The following GALM variants were observed in gnomAD, a reference collection of about 807,000 sequenced individuals.
The protein encoded by GALM is aldose 1-epimerase.
A neutral mutation model predicts 37.4 loss-of-function variants in GALM; 43 were observed. That is an observed-to-expected ratio of 1.15 (90% CI 0.90 to 1.48). The LOEUF (loss-of-function observed/expected upper bound fraction) is 1.48, where lower values mean the gene tolerates loss of function less well. Ranked by LOEUF, GALM falls within the 40% of genes most tolerant of loss-of-function variation. The probability of loss-of-function intolerance (pLI) is 0.00; values close to 1 mark genes in which losing one functional copy is unlikely to be tolerated. For synonymous variants in GALM, 199 were observed against 170.6 expected (o/e 1.17, Z -1.30); for missense variants, 456 against 419.1 (o/e 1.09, Z -0.77).
chr2:38,707,773 G>A (rs1370104017), intron 4 of GALM, among the ~76,000 whole-genome samples: 1 of 152,042 alleles, frequency 6.6e-6, no homozygotes, highest in African/African-American at 2.4e-5. Flanking sequence ...TTGAGGCCAG[G>A]AGTTCAGGAC....
At chr2:38,689,071 C>T (rs1057084367) in intron 3 of GALM, among the ~76,000 whole-genome samples, 4 of 152,222 alleles carry the variant, frequency 2.6e-5, no homozygotes, top group Admixed American at 6.5e-5. Flanking sequence ...CCGCCTGCCT[C>T]GGCCTCCCAA....
chr2:38,687,412 G>T (rs1665563807), intron 3 of GALM, among the ~76,000 whole-genome samples: 1 of 152,144 alleles, frequency 6.6e-6, no homozygotes, highest in Non-Finnish European at 1.5e-5. Flanking sequence ...GAAAACAAGA[G>T]CATCATAGTT....
At chr2:38,725,561 C>T (rs1278743862) in intron 4 of GALM, among the ~76,000 whole-genome samples, 2 of 150,252 alleles carry the variant, frequency 1.3e-5, no homozygotes, top group Non-Finnish European at 3.0e-5. Flanking sequence ...CACACACACA[C>T]ACACGTATAT....
intron 4 of GALM, among the ~76,000 whole-genome samples, chr2:38,715,744 TTTC>T (rs1278136822): frequency 3.9e-5 from 6 of 152,190 alleles, no homozygotes; most frequent in Admixed American, 3.9e-4. Flanking sequence ...GCAATCGAGT[TTTC>T]CTAACTCCAG....
Position 38,734,174 on chromosome 2 carries a change from G to A in GALM, c.*609G>A, listed in dbSNP as rs536120608. 4.1e-4 allele frequency: 64 copies of A among 156,870 alleles called. No individual in the cohort carries two copies. Among genetic ancestry groups the A allele is most frequent in the African/African-American group, 1.2e-3 (48 of 41,562 alleles). 9.7% of individuals were successfully genotyped at this position (156,870 alleles called of 1,614,324 possible). A position where few individuals can be genotyped will look rare whatever the true frequency, so the allele number is the denominator to read the frequency against. On this transcript the variant is annotated 3_prime_UTR_variant, in exon 7 of 7. Transcript: ENST00000272252. ...AGCACTTTGGAAGGCCGAGGCAGGC[G>A]GATCACGAGGTCAGGAGATCGAGAC...
At position 38,729,548 on chromosome 2, in the gene GALM, C is replaced by G. The variant is rs544238291; in HGVS notation, c.635-8C>G. The stretch of plus-strand genomic sequence containing the variant: ...TTATCACCTTTGTTTTCTGTCTCTT[C>G]CCATCAGGAGAAGTTGCCCCAGTGC... On this transcript the variant is annotated splice_region_variant and splice_polypyrimidine_tract_variant and intron_variant, in intron 4 of 6. Coordinates refer to ENST00000272252, the MANE Select transcript of GALM (RefSeq NM_138801.3). 1 of 1,611,908 alleles carries G rather than the reference C, an allele frequency of 6.2e-7. No individual in the cohort carries two copies. Among genetic ancestry groups the G allele is most frequent in the Admixed American group, 1.7e-5 (1 of 59,772 alleles).
At chr2:38,707,401 T>C (rs183479334) in intron 4 of GALM, among the ~76,000 whole-genome samples, 18 of 151,874 alleles carry the variant, frequency 1.2e-4, no homozygotes, top group Admixed American at 5.9e-4. Context: ...CCAAAAAGGG[T>C]CTACCTTAAA....
rs747370210 is a variant in GALM at position 38,731,940 on chromosome 2, A to G, written c.951+31A>G. The G allele has an allele frequency of 1.4e-5, 23 of 1,589,010 alleles. No individual in the cohort carries two copies. The African/African-American group carries it at 2.6e-4, about 18-fold the overall frequency. On this transcript the variant is annotated intron_variant, in intron 6 of 6. Transcript: ENST00000272252. ...GCCACAGGCTGGCTTTTCAGAGTAG[A>G]GTTGTGTCCAAGGTCACACTGTACG...
chr2:38,722,030 TCCCCCCCCCACCC>T (rs1666387057), intron 4 of GALM, among the ~76,000 whole-genome samples: 1 of 41,382 alleles, frequency 2.4e-5, no homozygotes, highest in Non-Finnish European at 4.1e-5. Flanking sequence ...TGCCTTCCCT[TCCCCCCCCCACCC>T]CCCCCCCCCA....
At chr2:38,680,900 C>T (rs889057811) in intron 2 of GALM, among the ~76,000 whole-genome samples, 2 of 152,008 alleles carry the variant, frequency 1.3e-5, no homozygotes, top group African/African-American at 4.8e-5. Context: ...CCTTGGGAGG[C>T]CGAGGCAGGT....
At chr2:38,676,211 A>C (rs1665257716) in intron 2 of GALM, 145 bp downstream of exon 2, 1 of 737,512 alleles carries the variant, frequency 1.4e-6, no homozygotes, top group Non-Finnish European at 2.3e-6. Flanking sequence ...CAGCAGGTGC[A>C]ATGGGCATGT....
intron 1 of GALM, 40 bp downstream of exon 1, chr2:38,666,391 GC>G: frequency 1.3e-6 from 2 of 1,485,764 alleles, no homozygotes; most frequent in Non-Finnish European, 1.8e-6. Flanking sequence ...CAGGCCCCAG[GC>G]CCACGCTACA....
chr2:38,717,573 T>A (rs1424223232), intron 4 of GALM, among the ~76,000 whole-genome samples: 1 of 151,904 alleles, frequency 6.6e-6, no homozygotes, highest in Non-Finnish European at 1.5e-5. Context: ...TAATTTTTTG[T>A]ATTTTTAGCA....
At chr2:38,685,341 G>A (rs532821601) in intron 3 of GALM, among the ~76,000 whole-genome samples, 1 of 152,246 alleles carries the variant, frequency 6.6e-6, no homozygotes, top group African/African-American at 2.4e-5. Flanking sequence ...TGGGGGCACA[G>A]AGTTGCTGGT....
rs12987870 is a variant in GALM at position 38,709,397 on chromosome 2, C to G, written c.634+19503C>G. Among the ~76,000 whole-genome samples, 3 of 152,168 alleles carry G rather than the reference C, an allele frequency of 2.0e-5. No individual in the cohort carries two copies. The East Asian group carries it at 5.8e-4, about 30-fold the overall frequency. On this transcript the variant is annotated intron_variant, in intron 4 of 6. Coordinates refer to ENST00000272252, the MANE Select transcript of GALM (RefSeq NM_138801.3). ...AATACCCCACCATGAAAATGCCTTA[C>G]GTGGTCCCAACCATGAAGCGTAAAA...
intron 3 of GALM, chr2:38,682,205 G>A (rs1665414143): frequency 4.7e-6 from 2 of 421,822 alleles, no homozygotes; most frequent in African/African-American, 2.0e-5. Context: ...CCCCCCTTAA[G>A]TGATCCCTTC....
chr2:38,668,432 G>C (rs1302277591), intron 1 of GALM: 1 of 152,116 alleles, frequency 6.6e-6, no homozygotes, highest in Non-Finnish European at 1.5e-5. Context: ...ACAACACTCT[G>C]TTACTATTTT....
chr2:38,715,937 G>C (rs1033510078), intron 4 of GALM, among the ~76,000 whole-genome samples: 5 of 152,212 alleles, frequency 3.3e-5, no homozygotes, highest in East Asian at 1.9e-4. Context: ...CCAAGCTTCA[G>C]AGAAGCTAAG....
chr2:38,728,638 T>C (rs1666534632), intron 4 of GALM, among the ~76,000 whole-genome samples: 1 of 152,186 alleles, frequency 6.6e-6, no homozygotes, highest in South Asian at 2.1e-4. Flanking sequence ...TGAGCTGAGA[T>C]CGCGCCACTG....
Sources: gnomAD v4.1 joint callset for allele counts (sites outside exome capture counted in the v4.1 genomes callset) on GRCh38, gnomAD v4.1.1 for gene constraint, MANE v1.5 for transcripts, NCBI Gene and HGNC (gene_info 2026-07-23, HGNC 2026-07-21) for gene names.